Variants in CCDC175 observed in about 807,000 individuals in gnomAD.
CCDC175 encodes coiled-coil domain-containing protein 175.
A neutral mutation model predicts 114.6 loss-of-function variants in CCDC175; 100 were observed. The ratio of observed to expected loss-of-function variants is 0.87; its 90% CI spans 0.74 to 1.03. CCDC175 has a LOEUF of 1.03. Among genes scored for constraint, CCDC175 ranks in the 50% least tolerant of loss-of-function variants. The pLI, the probability that CCDC175 is intolerant of heterozygous loss-of-function variation, is 0.00. For synonymous variants in CCDC175, 306 were observed against 308.7 expected, an observed-to-expected ratio of 0.99 and a Z score of 0.09; for missense variants, 880 against 917.8, an observed-to-expected ratio of 0.96 and a Z score of 0.53.
intron 4 of CCDC175, among the ~76,000 whole-genome samples, chr14:59,567,296 A>G (rs1896612342): frequency 6.6e-6 from 1 of 152,114 alleles, no homozygotes; most frequent in Non-Finnish European, 1.5e-5. Flanking sequence ...GTAATCATGA[A>G]CTTTCTCTTT....
chr14:59,523,913 T>C (rs1030229891), intron 16 of CCDC175, among the ~76,000 whole-genome samples: 44 of 151,314 alleles, frequency 2.9e-4, no homozygotes, highest in African/African-American at 4.4e-4. Context: ...GGCGTGAACC[T>C]GGGAGGCGGA....
At position 59,568,381 on chromosome 14, in the gene CCDC175, C is replaced by A. The variant is rs1317005813; in HGVS notation, c.356-1G>T. The A allele has an allele frequency of 6.6e-7, 1 of 1,504,088 alleles. No individual in the cohort carries two copies. Among genetic ancestry groups the A allele is most frequent in the African/African-American group, 1.4e-5 (1 of 70,648 alleles). 93.2% of individuals were successfully genotyped at this position (1,504,088 alleles called of 1,614,324 possible). A position where few individuals can be genotyped will look rare whatever the true frequency, so the allele number is the denominator to read the frequency against. ...AATCTGCGAGCGTCTCGGACACATT[C>A]TTCAAAGTAAGTGGAAATATTACTA... On this transcript the variant is annotated splice_acceptor_variant, in intron 3 of 19. Coordinates refer to ENST00000537690, the MANE Select transcript of CCDC175 (RefSeq NM_001164399.2). LOFTEE classifies it high-confidence loss of function.
chr14:59,547,096 G>C (rs915476521), intron 8 of CCDC175, among the ~76,000 whole-genome samples: 1 of 151,986 alleles, frequency 6.6e-6, no homozygotes, highest in Non-Finnish European at 1.5e-5. Context: ...AGGACATAAT[G>C]GCTGAAAATT....
At chr14:59,519,925 G>T (rs1447795882) in intron 17 of CCDC175, among the ~76,000 whole-genome samples, 2 of 152,202 alleles carry the variant, frequency 1.3e-5, no homozygotes, top group Admixed American at 1.3e-4. Context: ...TCTGGCCAAT[G>T]GCCTCCCTCG....
At chr14:59,553,284 G>T (rs905330442) in intron 7 of CCDC175, among the ~76,000 whole-genome samples, 3 of 152,220 alleles carry the variant, frequency 2.0e-5, no homozygotes, top group Non-Finnish European at 4.4e-5. Context: ...AACTCTACAA[G>T]CCAGAAGAGA....
chr14:59,532,002 T>C (rs1402768473), intron 13 of CCDC175, 92 bp from the exon 14 acceptor site: 6 of 659,972 alleles, frequency 9.1e-6, no homozygotes, highest in African/African-American at 1.8e-5. Flanking sequence ...AGGGAAAGAG[T>C]TTCATCTGTC....
At chr14:59,546,955 A>G (rs1440281239) in intron 8 of CCDC175, among the ~76,000 whole-genome samples, 1 of 152,150 alleles carries the variant, frequency 6.6e-6, no homozygotes, top group Non-Finnish European at 1.5e-5. Context: ...AAAATCTACT[A>G]TAGGCCAGGT....
chr14:59,552,176 T>C (rs191393759), intron 7 of CCDC175, among the ~76,000 whole-genome samples: 333 of 152,336 alleles, frequency 2.2e-3, no homozygotes, highest in Middle Eastern at 6.8e-3. Context: ...CCTCCTCAAG[T>C]GGGTCCCTGA....
At chr14:59,572,485 T>C (rs1390069046) in intron 3 of CCDC175, among the ~76,000 whole-genome samples, 1 of 152,202 alleles carries the variant, frequency 6.6e-6, no homozygotes, top group Non-Finnish European at 1.5e-5. Context: ...TTATCTATAG[T>C]CTATTTAGAA....
intron 15 of CCDC175, 29 bp downstream of exon 15, chr14:59,527,066 A>T (rs1010481351): frequency 1.8e-5 from 22 of 1,201,792 alleles, no homozygotes; most frequent in Admixed American, 3.1e-5. Flanking sequence ...ATAATAATAA[A>T]AAAAAGAATT....
intron 3 of CCDC175, among the ~76,000 whole-genome samples, chr14:59,572,338 C>A (rs1478715872): frequency 2.6e-5 from 4 of 152,146 alleles, no homozygotes; most frequent in Non-Finnish European, 4.4e-5. Context: ...GTCATGAGGA[C>A]AAATACTGTA....
chr14:59,551,284 C>G (rs2140071366), intron 8 of CCDC175, 71 bp downstream of exon 8: 1 of 707,776 alleles, frequency 1.4e-6, no homozygotes, highest in East Asian at 3.2e-5. Flanking sequence ...CTATATTTCT[C>G]ACATATTTTA....
rs1894564609 is a variant in CCDC175 at position 59,538,698 on chromosome 14, C to A, written c.1491+7G>T. On this transcript the variant is annotated splice_region_variant and intron_variant, in intron 12 of 19. Transcript: ENST00000537690. ...GGACTAATTCTAAGTTCTTTCAGTT[C>A]TCTTACCTCGTTAAGTAATTCAATT... 7 of 1,531,838 alleles carry A rather than the reference C, an allele frequency of 4.6e-6. No individual in the cohort carries two copies. The highest frequency in any genetic ancestry group is 5.2e-6 in the Non-Finnish European group (6 of 1,144,878). 94.9% of individuals were successfully genotyped at this position (1,531,838 alleles called of 1,614,324 possible).
chr14:59,532,466 A>G (rs17255849), intron 13 of CCDC175, among the ~76,000 whole-genome samples: 9,419 of 152,292 alleles, frequency 0.062, 387 homozygotes, highest in Middle Eastern at 0.11. Flanking sequence ...TGGATTTTAA[A>G]TGGTGACTAA....
chr14:59,576,132 A>C (rs1208534993), intron 1 of CCDC175, among the ~76,000 whole-genome samples: 1 of 152,184 alleles, frequency 6.6e-6, no homozygotes, highest in Non-Finnish European at 1.5e-5. Context: ...TTTCTATTAG[A>C]ATCTCCTAAA....
chr14:59,537,149 C>T (rs12436694), intron 13 of CCDC175, among the ~76,000 whole-genome samples: 79,886 of 151,960 alleles, frequency 0.53, 22,017 homozygotes, highest in East Asian at 0.82. Flanking sequence ...GGAAAGTTTG[C>T]TCCTCTTTTC....
chr14:59,562,391 A>G (rs1332135128), intron 6 of CCDC175, among the ~76,000 whole-genome samples: 1 of 152,242 alleles, frequency 6.6e-6, no homozygotes, highest in East Asian at 1.9e-4. Flanking sequence ...AACAACGGCA[A>G]CAAACTACCA....
At chr14:59,573,715 A>G (rs554677926) in intron 2 of CCDC175, among the ~76,000 whole-genome samples, 2 of 151,692 alleles carry the variant, frequency 1.3e-5, no homozygotes, top group East Asian at 1.9e-4. Context: ...CCTGGTTTCA[A>G]GCAATTCTCC....
rs550620064 is a variant in CCDC175 at position 59,518,605 on chromosome 14, A to G, written c.2098+2969T>C. On this transcript the variant is annotated intron_variant, in intron 17 of 19. Coordinates refer to ENST00000537690, the MANE Select transcript of CCDC175 (RefSeq NM_001164399.2). ...CTGGACATCAGAGAAATGCAAATCA[A>G]AACCACAATGAGATACCATCTCACA... Among the ~76,000 whole-genome samples, 15 of 152,372 alleles carry G rather than the reference A, an allele frequency of 9.8e-5. No homozygotes were observed. The East Asian group carries it at 2.5e-3, about 25-fold the overall frequency.
Sources: gnomAD v4.1 joint callset for allele counts (sites outside exome capture counted in the v4.1 genomes callset) on GRCh38, gnomAD v4.1.1 for gene constraint, MANE v1.5 for transcripts, NCBI Gene and HGNC (gene_info 2026-07-23, HGNC 2026-07-21) for gene names.